Variants in PDGFRA observed in about 807,000 individuals in gnomAD.
The protein encoded by PDGFRA is platelet derived growth factor receptor alpha.
PDGFRA carries 25 observed loss-of-function variants against 121.5 expected under a neutral mutation model. The observed-to-expected ratio is 0.21, with a 90% confidence interval of 0.15 to 0.29. PDGFRA has a LOEUF of 0.29. Among genes scored for constraint, PDGFRA ranks in the 10% least tolerant of loss-of-function variants. The pLI is 1.00. For missense variants in PDGFRA, 1,008 were observed against 1,345.1 expected (o/e 0.75, Z 3.92); for synonymous variants, 463 against 494.8 (o/e 0.94, Z 0.85).
At chr4:54,237,102 G>T (rs1265238454) in intron 1 of PDGFRA, among the ~76,000 whole-genome samples, 1 of 152,068 alleles carries the variant, frequency 6.6e-6, no homozygotes, top group Non-Finnish European at 1.5e-5. Flanking sequence ...CCGAGTAGCT[G>T]GGATTATAGG....
At chr4:54,265,675 T>C (rs558214371) in intron 5 of PDGFRA, among the ~76,000 whole-genome samples, 2 of 152,168 alleles carry the variant, frequency 1.3e-5, no homozygotes, top group South Asian at 4.2e-4. Flanking sequence ...GAGATGGAAG[T>C]GGGGAAGGGG....
At chr4:54,284,564 CAGAGAG>C (rs59292448) in intron 16 of PDGFRA, among the ~76,000 whole-genome samples, 14 of 55,948 alleles carry the variant, frequency 2.5e-4, no homozygotes, top group African/African-American at 4.9e-4. Flanking sequence ...GAGAGAGAGA[CAGAGAG>C]AGAGAGAGAG....
chr4:54,243,157 A>C (rs1193875223), intron 1 of PDGFRA, among the ~76,000 whole-genome samples: 1 of 152,212 alleles, frequency 6.6e-6, no homozygotes, highest in African/African-American at 2.4e-5. Context: ...TTTGGGGAAC[A>C]TCGTTGCAGT....
At chr4:54,258,890 TA>T in intron 2 of PDGFRA, 73 bp downstream of exon 2, 1 of 1,181,572 alleles carries the variant, frequency 8.5e-7, no homozygotes, top group Non-Finnish European at 1.3e-6. Context: ...TGCATGGGTT[TA>T]TTACCAGTAC....
chr4:54,241,989 G>A (rs115278919), intron 1 of PDGFRA, among the ~76,000 whole-genome samples: 1 of 152,132 alleles, frequency 6.6e-6, no homozygotes, highest in Admixed American at 6.5e-5. Flanking sequence ...TCCTTTGAAG[G>A]CCTCTCAGAT....
intron 1 of PDGFRA, among the ~76,000 whole-genome samples, chr4:54,239,822 CT>C (rs112968863): frequency 0.045 from 6,865 of 151,728 alleles, 521 homozygotes; most frequent in African/African-American, 0.16. Flanking sequence ...TCTTTAGTTT[CT>C]TTTTTAAAAA....
chr4:54,249,386 A>C (rs1380029154), intron 1 of PDGFRA, among the ~76,000 whole-genome samples: 1 of 152,220 alleles, frequency 6.6e-6, no homozygotes, highest in African/African-American at 2.4e-5. Flanking sequence ...AACCAACCCA[A>C]ATATCCAACG....
intron 16 of PDGFRA, among the ~76,000 whole-genome samples, chr4:54,284,801 C>CAT (rs1553905826): frequency 4.8e-5 from 7 of 147,302 alleles, no homozygotes; most frequent in South Asian, 2.1e-4. Flanking sequence ...TATATCATTG[C>CAT]GTGTGTGTGT....
intron 1 of PDGFRA, among the ~76,000 whole-genome samples, chr4:54,246,053 C>A (rs1721639978): frequency 6.6e-6 from 1 of 152,098 alleles, no homozygotes; most frequent in Non-Finnish European, 1.5e-5. Context: ...ACAGGAGCAC[C>A]CAGATTCATA....
Position 54,241,972 on chromosome 4 carries a change from A to G in PDGFRA, c.-13+12557A>G, listed in dbSNP as rs1196161584. On this transcript the variant is annotated intron_variant, in intron 1 of 22. Transcript: ENST00000257290. ...AGAAATATTGACTTTTAATTCTAGA[A>G]TCTGTTTCCTTTGAAGGCCTCTCAG... Among the ~76,000 whole-genome samples, 4 of 152,186 alleles carry G rather than the reference A, an allele frequency of 2.6e-5. No individual in the cohort carries two copies. In the South Asian group the frequency reaches 6.2e-4, roughly 24 times the overall value.
At chr4:54,288,630 G>A (rs1724471282) in intron 19 of PDGFRA, among the ~76,000 whole-genome samples, 169 bp from the exon 20 acceptor site, 1 of 152,186 alleles carries the variant, frequency 6.6e-6, no homozygotes, top group Non-Finnish European at 1.5e-5. Context: ...CTTAAGGTTT[G>A]AGCTGGTCTC....
rs1724893666 is a variant in PDGFRA, at chr4:54,296,554, G to T, written c.*1282G>T. 4.3e-6 allele frequency: 1 copy of T among 232,588 alleles called. No homozygotes were observed. The highest frequency in any genetic ancestry group is 2.2e-5 in the African/African-American group (1 of 45,270). 14.4% of individuals were successfully genotyped at this position (232,588 alleles called of 1,614,324 possible). ...TAAAGATATTCTTTAGTGGAGGCTG[G>T]ATGTGCATTAGCCTGGATCCTCAGT... On this transcript the variant is annotated 3_prime_UTR_variant, in exon 23 of 23. Coordinates refer to ENST00000257290, the MANE Select transcript of PDGFRA (RefSeq NM_006206.6).
Position 54,277,999 on chromosome 4 carries a change from C to T in PDGFRA, c.1995C>T (p.Thr665=), listed in dbSNP as rs1723832330. Reference sequence around the variant, plus strand: ...TTGTAAACTTGCTGGGAGCCTGCACCAAGTCAGGTGGGCTCACTGACCTGG... The same window carrying T: ...TTGTAAACTTGCTGGGAGCCTGCACTAAGTCAGGTGGGCTCACTGACCTGG... ...LNIVNLLGAC[T]KSGPIYIITE... Residue 665 remains threonine, a synonymous_variant, in exon 14 of 23, where the codon ACC becomes ACT. Coordinates refer to ENST00000257290, the MANE Select transcript of PDGFRA (RefSeq NM_006206.6). 6.3e-7 allele frequency: 1 copy of T among 1,598,256 alleles called. No homozygotes were observed. Among genetic ancestry groups the T allele is most frequent in the Non-Finnish European group, 8.6e-7 (1 of 1,165,630 alleles).
intron 3 of PDGFRA, among the ~76,000 whole-genome samples, chr4:54,261,909 ATATATATATATATATATATATATT>A (rs1262825290): frequency 2.0e-5 from 1 of 51,226 alleles, no homozygotes; most frequent in Non-Finnish European, 4.3e-5. Flanking sequence ...ATATATATAT[ATATATATATATATATATATATATT>A]TTTTTTTTTT....
intron 16 of PDGFRA, 129 bp from the exon 17 acceptor site, chr4:54,285,242 C>T: frequency 1.5e-6 from 1 of 685,004 alleles, no homozygotes; most frequent in Non-Finnish European, 2.7e-6. Flanking sequence ...TGATATTCAT[C>T]TGTGAGATCT....
chr4:54,232,284 G>A (rs1460359688), intron 1 of PDGFRA, among the ~76,000 whole-genome samples: 1 of 152,180 alleles, frequency 6.6e-6, no homozygotes, highest in Non-Finnish European at 1.5e-5. Context: ...CAGGATCGGG[G>A]GCAAATGGCT....
intron 1 of PDGFRA, among the ~76,000 whole-genome samples, chr4:54,234,727 G>A (rs958809847): frequency 6.6e-5 from 10 of 152,242 alleles, no homozygotes; most frequent in South Asian, 6.2e-4. Context: ...TGATGTTCCC[G>A]TTTCTGAGTG....
Position 54,277,984 on chromosome 4 carries a change from G to T in PDGFRA, c.1980G>T (p.Leu660Phe), listed in dbSNP as rs779818520. 2 of 1,611,556 alleles carry T rather than the reference G, an allele frequency of 1.2e-6. No homozygotes were observed. Among genetic ancestry groups the T allele is most frequent in the Non-Finnish European group, 8.5e-7 (1 of 1,177,674 alleles). Residue 660 changes from leucine (L) to phenylalanine (F), a missense_variant, in exon 14 of 23, where the codon TTG becomes TTT. Physicochemically the swap from Leu to Phe is conservative, Grantham distance 22 (BLOSUM62 0). Coordinates refer to ENST00000257290, the MANE Select transcript of PDGFRA (RefSeq NM_006206.6). ...GGCCACATTTGAACATTGTAAACTT[G>T]CTGGGAGCCTGCACCAAGTCAGGTG... ...HLGPHLNIVNLLGACTKSGPI... is the reference protein window; with the variant it reads ...HLGPHLNIVNFLGACTKSGPI...
chr4:54,263,599 T>G (rs1722866755), intron 3 of PDGFRA, 68 bp from the exon 4 acceptor site: 1 of 1,482,020 alleles, frequency 6.7e-7, no homozygotes, highest in African/African-American at 1.4e-5. Context: ...GTGGGATAGT[T>G]TTTCTGGATT....
Sources: gnomAD v4.1 joint callset for allele counts (sites outside exome capture counted in the v4.1 genomes callset) on GRCh38, gnomAD v4.1.1 for gene constraint, MANE v1.5 for transcripts, NCBI Gene and HGNC (gene_info 2026-07-23, HGNC 2026-07-21) for gene names.